The following STON2 variants were observed in gnomAD, a reference collection of about 807,000 sequenced individuals.
STON2 encodes stonin-2.
A neutral mutation model predicts 65.7 loss-of-function variants in STON2; 29 were observed. The observed-to-expected ratio is 0.44, with a 90% CI of 0.33 to 0.60. The LOEUF is 0.60. Among genes scored for constraint, STON2 ranks in the 20% least tolerant of loss-of-function variants. The pLI is 0.03. For missense variants in STON2, 1,054 were observed against 1,118.1 expected, an observed-to-expected ratio of 0.94 and a Z score of 0.82; for synonymous variants, 404 against 414.2, an observed-to-expected ratio of 0.98 and a Z score of 0.30.
chr14:81,340,009 C>T (rs1897534277), intron 4 of STON2, among the ~76,000 whole-genome samples: 1 of 152,072 alleles, frequency 6.6e-6, no homozygotes, highest in Non-Finnish European at 1.5e-5. Context: ...AAAAAATTAG[C>T]CGGGCGTGGT....
upstream of STON2, among the ~76,000 whole-genome samples, chr14:81,402,280 G>C (rs1053967625): frequency 2.6e-5 from 4 of 152,112 alleles, no homozygotes; most frequent in Non-Finnish European, 4.4e-5. Context: ...CACAAAGTTG[G>C]GGGGCACAGT....
At chr14:81,401,191 T>A (rs901839625), upstream of STON2, among the ~76,000 whole-genome samples, 1 of 152,238 alleles carries the variant, frequency 6.6e-6, no homozygotes. Flanking sequence ...AGTAGAGTCA[T>A]GTGCTCAGCT....
chr14:81,297,998 T>C (rs1257221308), intron 5 of STON2, among the ~76,000 whole-genome samples: 5 of 152,120 alleles, frequency 3.3e-5, no homozygotes, highest in African/African-American at 1.2e-4. Flanking sequence ...GATGGCGCCA[T>C]TGCACTCCAG....
At chr14:81,376,707 C>A (rs561066969) in intron 3 of STON2, among the ~76,000 whole-genome samples, 1 of 152,002 alleles carries the variant, frequency 6.6e-6, no homozygotes, top group Non-Finnish European at 1.5e-5. Context: ...AGGAGAATTA[C>A]AAAATAATCT....
chr14:81,338,674 G>A (rs557380312), intron 4 of STON2, among the ~76,000 whole-genome samples: 19 of 152,304 alleles, frequency 1.2e-4, no homozygotes, highest in African/African-American at 4.6e-4. Context: ...TCCTCAGCCT[G>A]CAGGGGTCTG....
intron 1 of STON2, among the ~76,000 whole-genome samples, chr14:81,430,796 G>A (rs1374517549): frequency 1.3e-5 from 2 of 152,040 alleles, no homozygotes; most frequent in African/African-American, 4.8e-5. Flanking sequence ...ATTTTTCTAT[G>A]CTGTGATACT....
chr14:81,277,629 G>A lies in STON2; in HGVS notation c.1853C>T (p.Thr618Ile). ...CTCTTCAAGGTAGTTGAGGCCAACT[G>A]TGCTCAAGTCCATTGACAACACTGG... ...DLPVLSMDLS[T>I]VGLNYLEEEI... Residue 618 changes from threonine to isoleucine, a missense_variant, in exon 6 of 8, where the codon ACA becomes ATA. Coordinates refer to ENST00000614646, the MANE Select transcript of STON2 (RefSeq NM_001394390.1). 4.3e-6 allele frequency: 7 copies of A among 1,614,146 alleles called. No homozygotes were observed. Among genetic ancestry groups the A allele is most frequent in the Non-Finnish European group, 5.9e-6 (7 of 1,180,032 alleles).
chr14:81,386,092 A>T (rs763954374), intron 3 of STON2, among the ~76,000 whole-genome samples: 1 of 152,160 alleles, frequency 6.6e-6, no homozygotes, highest in Non-Finnish European at 1.5e-5. Flanking sequence ...AGGGGAGAGG[A>T]TCAGAGACGG....
At chr14:81,370,635 T>C (rs1898940702) in intron 4 of STON2, among the ~76,000 whole-genome samples, 1 of 152,238 alleles carries the variant, frequency 6.6e-6, no homozygotes, top group South Asian at 2.1e-4. Context: ...GCATGGGTAG[T>C]AGGATGAAAG....
intron 4 of STON2, among the ~76,000 whole-genome samples, chr14:81,357,031 A>T (rs577279502): frequency 6.6e-6 from 1 of 152,182 alleles, no homozygotes; most frequent in Non-Finnish European, 1.5e-5. Context: ...AATGGCAACA[A>T]AAGCTAAAAT....
intron 4 of STON2, chr14:81,333,001 C>CT: frequency 1.8e-6 from 1 of 541,322 alleles, no homozygotes; most frequent in Non-Finnish European, 3.4e-6. Context: ...CTTTGCAGTC[C>CT]CCCTGACTTT....
intron 5 of STON2, among the ~76,000 whole-genome samples, chr14:81,286,594 C>T (rs1403846844): frequency 2.0e-5 from 3 of 152,052 alleles, no homozygotes; most frequent in Non-Finnish European, 4.4e-5. Context: ...TACTAAGAAA[C>T]AAAAAAATAT....
At chr14:81,381,494 T>C (rs1899512602) in intron 3 of STON2, among the ~76,000 whole-genome samples, 1 of 152,164 alleles carries the variant, frequency 6.6e-6, no homozygotes, top group Admixed American at 6.6e-5. Context: ...CCAACAGGAA[T>C]ATAGCTGAAC....
intron 5 of STON2, 195 bp from the exon 6 acceptor site, chr14:81,278,934 C>T (rs868464687): frequency 2.8e-5 from 12 of 427,790 alleles, no homozygotes; most frequent in Admixed American, 7.8e-5. Flanking sequence ...GAGGAGCTAT[C>T]GCATTAAGTG....
At chr14:81,293,768 G>C (rs1029810838) in intron 5 of STON2, among the ~76,000 whole-genome samples, 1 of 152,134 alleles carries the variant, frequency 6.6e-6, no homozygotes, top group African/African-American at 2.4e-5. Flanking sequence ...TCAAGACATA[G>C]TAGCCAACTA....
chr14:81,303,537 A>T (rs1056558957), intron 5 of STON2, among the ~76,000 whole-genome samples: 2 of 152,210 alleles, frequency 1.3e-5, no homozygotes, highest in Non-Finnish European at 2.9e-5. Flanking sequence ...CATTCACAAC[A>T]TCAATAATGA....
intron 4 of STON2, among the ~76,000 whole-genome samples, chr14:81,351,178 C>CTTTTTTTTTT (rs370421507): frequency 7.8e-6 from 1 of 127,920 alleles, no homozygotes; most frequent in Non-Finnish European, 1.7e-5. Context: ...GTAAGCTCTT[C>CTTTTTTTTTT]TTTTTTTTTT....
At chr14:81,328,939 T>C (rs1897101028) in intron 4 of STON2, among the ~76,000 whole-genome samples, 1 of 152,180 alleles carries the variant, frequency 6.6e-6, no homozygotes, top group Non-Finnish European at 1.5e-5. Context: ...ATGCTTCTTG[T>C]ACAACCTGAA....
In STON2 at chr14:81,370,970, C is replaced by G. The variant is rs770758428; in HGVS notation, c.571+18G>C. 6.2e-7 allele frequency: 1 copy of G among 1,610,574 alleles called. No homozygotes were observed. The highest frequency in any genetic ancestry group is 2.2e-5 in the East Asian group (1 of 44,824). ...AAAAGTGATTTGCAAAGCCCTCTGG[C>G]TTAGAGCTCCATCTTACCAGTTGAG... On this transcript the variant is annotated intron_variant, in intron 4 of 7. Transcript: ENST00000614646.
Sources: allele counts gnomAD v4.1 joint callset (sites outside exome capture counted in the v4.1 genomes callset), GRCh38; gene constraint gnomAD v4.1.1; transcripts MANE v1.5; gene names NCBI Gene and HGNC (gene_info 2026-07-23, HGNC 2026-07-21).